The following CPQ variants were observed in gnomAD, a reference collection of about 807,000 sequenced individuals.
CPQ encodes Ser-Met dipeptidase.
Under a neutral mutation model 45.7 loss-of-function variants are expected in CPQ, and 37 were observed. The ratio of observed to expected loss-of-function variants is 0.81; its 90% confidence interval spans 0.62 to 1.07. CPQ has a LOEUF of 1.07. CPQ is among the 50% of genes least tolerant of loss of function. CPQ has a pLI of 0.00. For synonymous variants in CPQ, 186 were observed against 205.8 expected, an observed-to-expected ratio of 0.90 and a Z score of 0.82; for missense variants, 537 against 572.9, an observed-to-expected ratio of 0.94 and a Z score of 0.64.
chr8:96,916,092 G>A (rs768863348), intron 4 of CPQ, among the ~76,000 whole-genome samples: 1 of 152,100 alleles, frequency 6.6e-6, no homozygotes, highest in Non-Finnish European at 1.5e-5. Flanking sequence ...GCCTTGACTT[G>A]CCTACTTCCC....
At chr8:96,729,114 A>C (rs1172104190) in intron 1 of CPQ, among the ~76,000 whole-genome samples, 1 of 152,230 alleles carries the variant, frequency 6.6e-6, no homozygotes, top group Non-Finnish European at 1.5e-5. Context: ...TTAAATAACC[A>C]ATGGGAACTA....
At chr8:97,084,337 C>T (rs952284633) in intron 7 of CPQ, among the ~76,000 whole-genome samples, 1 of 151,972 alleles carries the variant, frequency 6.6e-6, no homozygotes, top group Non-Finnish European at 1.5e-5. Context: ...GTTTATGTAT[C>T]CCGTGGCAAT....
At chr8:96,894,060 C>A (rs1222430320) in intron 4 of CPQ, among the ~76,000 whole-genome samples, 1 of 152,152 alleles carries the variant, frequency 6.6e-6, no homozygotes, top group Non-Finnish European at 1.5e-5. Context: ...AAGCCAGCTG[C>A]CACGCTGGGA....
intron 2 of CPQ, 35 bp from the exon 3 acceptor site, chr8:96,834,938 A>T (rs1488155732): frequency 1.1e-5 from 18 of 1,588,098 alleles, no homozygotes; most frequent in Middle Eastern, 1.7e-4. Context: ...CTGATGGGAA[A>T]CTGTAAGTTA....
intron 4 of CPQ, among the ~76,000 whole-genome samples, chr8:96,938,985 TTTAA>T (rs1813089280): frequency 6.6e-6 from 1 of 152,182 alleles, no homozygotes; most frequent in African/African-American, 2.4e-5. Flanking sequence ...ATGGATCTAA[TTTAA>T]TTATTTTATT....
intron 2 of CPQ, among the ~76,000 whole-genome samples, chr8:96,826,965 C>A (rs1414743574): frequency 2.0e-5 from 3 of 152,012 alleles, no homozygotes; most frequent in Non-Finnish European, 4.4e-5. Flanking sequence ...GATCTTGTTC[C>A]TTTTTATGGC....
intron 7 of CPQ, among the ~76,000 whole-genome samples, chr8:97,142,638 A>G (rs1387516383): frequency 1.3e-5 from 2 of 152,242 alleles, no homozygotes; most frequent in Non-Finnish European, 2.9e-5. Context: ...AGAAGAAGGC[A>G]GTGCAGAGCT....
At chr8:96,850,368 G>A (rs886245901) in intron 3 of CPQ, among the ~76,000 whole-genome samples, 3 of 152,100 alleles carry the variant, frequency 2.0e-5, no homozygotes, top group Admixed American at 2.0e-4. Flanking sequence ...CTGACAAAAT[G>A]TCATCTATTT....
chr8:97,121,794 G>A (rs1389030142), intron 7 of CPQ, among the ~76,000 whole-genome samples: 2 of 151,816 alleles, frequency 1.3e-5, no homozygotes, highest in Non-Finnish European at 2.9e-5. Flanking sequence ...ATAATGAAAA[G>A]AGAAATGGAA....
At chr8:96,959,364 C>A (rs773602539) in intron 4 of CPQ, among the ~76,000 whole-genome samples, 3 of 152,116 alleles carry the variant, frequency 2.0e-5, no homozygotes, top group Non-Finnish European at 2.9e-5. Flanking sequence ...TTAGATGGAA[C>A]CTTGGAAGGT....
intron 4 of CPQ, among the ~76,000 whole-genome samples, chr8:96,911,311 A>G (rs976674057): frequency 1.3e-5 from 2 of 152,220 alleles, no homozygotes; most frequent in Non-Finnish European, 2.9e-5. Context: ...TGAAGGGATC[A>G]TTTGATCATT....
chr8:97,001,619 T>C (rs1478195844), intron 5 of CPQ, among the ~76,000 whole-genome samples: 2 of 152,154 alleles, frequency 1.3e-5, no homozygotes, highest in African/African-American at 4.8e-5. Flanking sequence ...GGATAAACTT[T>C]TTGACGTGCT....
chr8:97,109,736 C>T (rs532295804), intron 7 of CPQ, among the ~76,000 whole-genome samples: 43 of 152,186 alleles, frequency 2.8e-4, no homozygotes, highest in Middle Eastern at 3.4e-3. Flanking sequence ...ATGTACTCAG[C>T]GCTTTTGGCT....
intron 3 of CPQ, among the ~76,000 whole-genome samples, chr8:96,844,763 G>A (rs932989663): frequency 2.0e-5 from 3 of 152,182 alleles, no homozygotes; most frequent in African/African-American, 7.2e-5. Context: ...TCTAGATAGA[G>A]CCCTCCTCAG....
chr8:97,141,617 G>A (rs1044647217), intron 7 of CPQ, among the ~76,000 whole-genome samples: 11 of 152,056 alleles, frequency 7.2e-5, no homozygotes, highest in African/African-American at 2.4e-4. Context: ...GGAATTGCAC[G>A]GTAAAATTGA....
intron 4 of CPQ, among the ~76,000 whole-genome samples, chr8:96,950,183 G>T (rs1813239852): frequency 6.6e-6 from 1 of 152,062 alleles, no homozygotes; most frequent in South Asian, 2.1e-4. Flanking sequence ...GAGAAAATAA[G>T]TTACATTACA....
intron 4 of CPQ, 80 bp downstream of exon 4, chr8:96,880,085 G>A: frequency 7.8e-7 from 1 of 1,275,860 alleles, no homozygotes; most frequent in Non-Finnish European, 1.1e-6. Flanking sequence ...GGGAAAGAGA[G>A]AACGTGAAAC....
intron 4 of CPQ, among the ~76,000 whole-genome samples, chr8:96,902,228 A>T (rs1335015190): frequency 6.6e-6 from 1 of 152,234 alleles, no homozygotes; most frequent in South Asian, 2.1e-4. Flanking sequence ...GTATAAAATT[A>T]TACATGATTT....
At chr8:97,035,868 C>T (rs563950877) in intron 6 of CPQ, among the ~76,000 whole-genome samples, 22 of 152,132 alleles carry the variant, frequency 1.4e-4, no homozygotes, top group African/African-American at 3.9e-4. Context: ...CCACCACACC[C>T]GGCTAATTTT....
Sources: allele counts gnomAD v4.1 joint callset (sites outside exome capture counted in the v4.1 genomes callset), GRCh38; gene constraint gnomAD v4.1.1; transcripts MANE v1.5; gene names NCBI Gene and HGNC (gene_info 2026-07-23, HGNC 2026-07-21).